Variants in MCC observed in about 807,000 individuals in gnomAD.
MCC encodes the protein MCC regulator of Wnt signaling pathway, also known as colorectal mutant cancer protein.
In MCC, 90 loss-of-function variants were observed where a neutral mutation model predicts 116.2. That is an observed-to-expected ratio of 0.77 (90% CI 0.65 to 0.92). MCC has a LOEUF of 0.92. Among genes scored for constraint, MCC ranks in the 40% least tolerant of loss-of-function variants. MCC has a pLI of 0.00. For synonymous variants in MCC, 578 were observed against 510.5 expected (o/e 1.13, Z -1.78); for missense variants, 1,516 against 1,312.2 (o/e 1.16, Z -2.40).
At chr5:113,270,063 C>G (rs114342230) in intron 3 of MCC, among the ~76,000 whole-genome samples, 1 of 152,138 alleles carries the variant, frequency 6.6e-6, no homozygotes, top group Non-Finnish European at 1.5e-5. Flanking sequence ...ACATTACTTT[C>G]TTTCATTTAC....
intron 3 of MCC, among the ~76,000 whole-genome samples, chr5:113,176,175 T>A (rs1292173510): frequency 6.6e-6 from 1 of 152,190 alleles, no homozygotes; most frequent in Non-Finnish European, 1.5e-5. Context: ...TGCTGAGAAA[T>A]AGCTCCTAAA....
At chr5:113,436,082 CAT>C (rs1377991005) in intron 1 of MCC, 1 of 152,370 alleles carries the variant, frequency 6.6e-6, no homozygotes, top group Non-Finnish European at 1.5e-5. Flanking sequence ...TCCTTCCTCA[CAT>C]GAGCCAGGTG....
chr5:113,305,535 G>C (rs1022186077), intron 3 of MCC, among the ~76,000 whole-genome samples: 2 of 152,082 alleles, frequency 1.3e-5, no homozygotes, highest in African/African-American at 4.8e-5. Context: ...GTCATTTTCA[G>C]TTCCCCTTCC....
intron 3 of MCC, among the ~76,000 whole-genome samples, chr5:113,328,574 C>T (rs1038469221): frequency 2.0e-5 from 3 of 152,326 alleles, no homozygotes; most frequent in Admixed American, 2.0e-4. Context: ...TCAAATGCAT[C>T]TCTGATAGAT....
chr5:113,471,762 C>CCAAAGGTGGAGCCTA (rs1554086457), intron 1 of MCC, among the ~76,000 whole-genome samples: 28 of 121,954 alleles, frequency 2.3e-4, no homozygotes, highest in African/African-American at 7.1e-4. Context: ...TGCCCTGCCC[C>CCAAAGGTGGAGCCTA]CAGAGAGGCA....
chr5:113,204,580 T>A (rs1442989892), intron 3 of MCC: 1 of 152,174 alleles, frequency 6.6e-6, no homozygotes, highest in Non-Finnish European at 1.5e-5. Context: ...GATCTGAGGG[T>A]GCTGCGGAGA....
intron 2 of MCC, among the ~76,000 whole-genome samples, chr5:113,357,484 T>G (rs979703705): frequency 6.6e-6 from 1 of 152,080 alleles, no homozygotes; most frequent in Non-Finnish European, 1.5e-5. Flanking sequence ...CCGGTGACCA[T>G]CAGGTGATGG....
chr5:113,091,419 G>A (rs1332420259), intron 8 of MCC, among the ~76,000 whole-genome samples: 1 of 152,194 alleles, frequency 6.6e-6, no homozygotes, highest in Non-Finnish European at 1.5e-5. Context: ...GATAAAACAA[G>A]AGAGCCAGCA....
chr5:113,028,843 G>A, intron 18 of MCC, 91 bp downstream of exon 18: 1 of 1,429,920 alleles, frequency 7.0e-7, no homozygotes, highest in Non-Finnish European at 9.5e-7. Context: ...TTAGGGAAAT[G>A]TCCATCCCTG....
Position 113,480,531 on chromosome 5 carries a change from C to T in MCC, c.170+7714G>A, listed in dbSNP as rs921144416. 7.2e-5 allele frequency among the ~76,000 whole-genome samples: 11 copies of T among 152,166 alleles called. 1 individual carries two copies. Among genetic ancestry groups the T allele is most frequent in the Non-Finnish European group, 1.0e-4 (7 of 68,042 alleles). On this transcript the variant is annotated intron_variant, in intron 1 of 18. Coordinates refer to ENST00000408903, the MANE Select transcript of MCC (RefSeq NM_001085377.2). The stretch of plus-strand genomic sequence containing the variant: ...AAATGGACTAAATAACTGCAAACCT[C>T]GATGCTTCCTCAAGAATAAAAGTCG...
At chr5:113,041,848 T>A (rs1337100528) in intron 17 of MCC, among the ~76,000 whole-genome samples, 1 of 151,944 alleles carries the variant, frequency 6.6e-6, no homozygotes, top group African/African-American at 2.4e-5. Context: ...TACAAAAAAT[T>A]AGCCAGGTGT....
intron 6 of MCC, among the ~76,000 whole-genome samples, chr5:113,112,482 G>A (rs758339154): frequency 2.0e-5 from 3 of 152,080 alleles, no homozygotes; most frequent in Non-Finnish European, 2.9e-5. Context: ...ACCTTCTGCC[G>A]TAATTGTAAG....
intron 17 of MCC, among the ~76,000 whole-genome samples, chr5:113,036,642 T>C (rs1751349503): frequency 6.6e-6 from 1 of 152,180 alleles, no homozygotes; most frequent in South Asian, 2.1e-4. Context: ...TGAACATGTT[T>C]CTTGTCCAGG....
chr5:113,161,534 G>T (rs936747620), intron 3 of MCC, among the ~76,000 whole-genome samples: 1 of 152,222 alleles, frequency 6.6e-6, no homozygotes, highest in African/African-American at 2.4e-5. Context: ...TTACAGCAAT[G>T]GTTGAAGTGC....
intron 3 of MCC, among the ~76,000 whole-genome samples, chr5:113,190,667 C>T (rs1416891989): frequency 1.3e-5 from 2 of 152,100 alleles, no homozygotes; most frequent in Non-Finnish European, 2.9e-5. Flanking sequence ...CAGGAGCTAG[C>T]ACAACAATAC....
intron 3 of MCC, among the ~76,000 whole-genome samples, chr5:113,274,474 C>T (rs1241475754): frequency 6.6e-6 from 1 of 152,192 alleles, no homozygotes; most frequent in Non-Finnish European, 1.5e-5. Context: ...ATTCTCCTGC[C>T]ACAGCCTCCC....
At chr5:113,055,736 C>A (rs529245069) in intron 14 of MCC, among the ~76,000 whole-genome samples, 1 of 152,176 alleles carries the variant, frequency 6.6e-6, no homozygotes, top group Admixed American at 6.5e-5. Context: ...GGGCTATGTG[C>A]GCAGTTGCTT....
At position 113,027,322 on chromosome 5, in the gene MCC, T is replaced by C. The variant is rs1378901964; in HGVS notation, c.3040A>G (p.Thr1014Ala). The C allele has an allele frequency of 6.2e-7, 1 of 1,614,046 alleles. No homozygotes were observed. Among genetic ancestry groups the C allele is most frequent in the African/African-American group, 1.3e-5 (1 of 74,936 alleles). Residue 1014 changes from threonine (T) to alanine (A), a missense_variant, in exon 19 of 19, where the codon ACC becomes GCC. Thr to Ala is a moderately conservative substitution (Grantham distance 58). Coordinates refer to ENST00000408903, the MANE Select transcript of MCC (RefSeq NM_001085377.2). ...GCTGATTAAAGCGAAGTTTCATTGGTGTGTGGCCTGGAGTTCTCCTCCTCT... is the reference window on the plus strand; with the variant it reads ...GCTGATTAAAGCGAAGTTTCATTGGCGTGTGGCCTGGAGTTCTCCTCCTCT... ...LLEEENSRPH[T>A]NETSL is the part of the protein sequence containing the mutation.
intron 1 of MCC, among the ~76,000 whole-genome samples, chr5:113,482,364 C>T (rs1363672974): frequency 6.6e-6 from 1 of 152,208 alleles, no homozygotes; most frequent in Non-Finnish European, 1.5e-5. Flanking sequence ...TGCATCATTT[C>T]ACATTGCTAT....
Sources: allele counts gnomAD v4.1 joint callset (sites outside exome capture counted in the v4.1 genomes callset), GRCh38; gene constraint gnomAD v4.1.1; transcripts MANE v1.5; gene names NCBI Gene and HGNC (gene_info 2026-07-23, HGNC 2026-07-21).